Variants in RNH1 observed in about 807,000 individuals in gnomAD.
RNH1 encodes the protein ribonuclease inhibitor.
RNH1 carries 38 observed loss-of-function variants against 46.1 expected under a neutral mutation model. The observed-to-expected ratio is 0.82, with a 90% CI of 0.64 to 1.08. RNH1 has a LOEUF of 1.08. Among genes scored for constraint, RNH1 ranks in the 50% least tolerant of loss-of-function variants. The probability of loss-of-function intolerance (pLI) is 0.00; values close to 1 mark genes in which losing one functional copy is unlikely to be tolerated. For synonymous variants in RNH1, 319 were observed against 279.1 expected (o/e 1.14, Z -1.43); for missense variants, 577 against 590.7 (o/e 0.98, Z 0.24).
chr11:498,820 C>A lies in RNH1; in HGVS notation c.728G>T (p.Gly243Val). 1 of 1,609,488 alleles carries A rather than the reference C, an allele frequency of 6.2e-7. No homozygotes were observed. Among genetic ancestry groups the A allele is most frequent in the Non-Finnish European group, 8.5e-7 (1 of 1,179,586 alleles). Residue 243 changes from glycine to valine, a missense_variant, in exon 7 of 11, where the codon GGC (glycine) becomes GTC (valine). Physicochemically the swap from Gly to Val is moderately radical, Grantham distance 109. Transcript: ENST00000354420. ...CAGCCCTGGGCACAGCTCCGCCATG[C>A]CCACATCACCCAGCTTGTTGCTGCC... ...ALGSNKLGDV[G>V]MAELCPGLLH... is the part of the protein sequence containing the mutation.
Position 500,517 on chromosome 11 carries a change from AG to A in RNH1, c.238del (p.Leu80CysfsTer11), listed in dbSNP as rs1182277272. On this transcript the variant is annotated frameshift_variant, in exon 4 of 11. Coordinates refer to ENST00000354420, the MANE Select transcript of RNH1 (RefSeq NM_203387.3). LOFTEE classifies it high-confidence loss of function. Reference protein sequence around the residue: ...DVGVHCVLQGLQTPSCKIQKL... With the variant: ...DVGVHCVLQGXQTPSCKIQKL... ...CTGGATCTTGCAGGAGGGGGTCTGC[AG>A]GCCCTGGAGCACGCAATGCACGCCG... 2 of 1,609,386 alleles carry A rather than the reference AG, an allele frequency of 1.2e-6. No homozygotes were observed. Among genetic ancestry groups the A allele is most frequent in the African/African-American group, 2.7e-5 (2 of 74,930 alleles).
chr11:505,798 G>C (rs1174773549), intron 1 of RNH1: 1 of 151,934 alleles, frequency 6.6e-6, no homozygotes, highest in Non-Finnish European at 1.5e-5. Flanking sequence ...GCAAACTCCT[G>C]GGCTCAAGAG....
intron 4 of RNH1, 29 bp downstream of exon 4, chr11:500,455 G>A (rs1026656751): frequency 6.3e-7 from 1 of 1,592,756 alleles, no homozygotes; most frequent in Admixed American, 1.7e-5. Context: ...ACTGCACCAG[G>A]CCAGAGGCAG....
rs368410952 is a variant in RNH1 at position 500,629 on chromosome 11, C to G, written c.127G>C (p.Ala43Pro). Residue 43 changes from alanine (A) to proline (P), a missense_variant, in exon 4 of 11, where the codon GCA (alanine) becomes CCA (proline). Ala to Pro is a conservative substitution (Grantham distance 27). Coordinates refer to ENST00000354420, the MANE Select transcript of RNH1 (RefSeq NM_203387.3). ...VRLDDCGLTE[A>P]RCKDISSALR... ...GCAGAGCTGATGTCCTTGCACCGTG[C>G]TTCCGTGAGGCCACAGTCGTCCAGC... is the stretch of plus-strand genomic sequence containing the variant. 1.3e-4 allele frequency: 207 copies of G among 1,607,514 alleles called. No homozygotes were observed. Among genetic ancestry groups the G allele is most frequent in the Non-Finnish European group, 1.7e-4 (202 of 1,179,852 alleles).
In RNH1 at chr11:499,931, G is replaced by A; in HGVS notation, c.341C>T (p.Thr114Ile). The change falls in exon 5 of 11, where the codon ACC becomes ATC. Residue 114 changes from threonine (T) to isoleucine (I), a missense_variant. Physicochemically the swap from Thr to Ile is moderately conservative, Grantham distance 89. Coordinates refer to ENST00000354420, the MANE Select transcript of RNH1 (RefSeq NM_203387.3). ...GTCGCTGAGGTGCAGCTCCTGCAGG[G>A]TGGGCAGGGTGCGTAGTGTGCTGGA... ...VLSSTLRTLP[T>I]LQELHLSDNL... 1 of 1,612,078 alleles carries A rather than the reference G, an allele frequency of 6.2e-7. No homozygotes were observed. Among genetic ancestry groups the A allele is most frequent in the Admixed American group, 1.7e-5 (1 of 59,906 alleles).
In RNH1 at chr11:499,194, C is replaced by G. The variant is rs1847818915; in HGVS notation, c.444-9G>C. The G allele has an allele frequency of 6.2e-7, 1 of 1,610,810 alleles. No individual in the cohort carries two copies. Among genetic ancestry groups the G allele is most frequent in the Middle Eastern group, 1.7e-4 (1 of 6,010 alleles). ...GGCTGCAATACTCCAGCCTGGGGGA[C>G]AGCAGAGCTCAGCACCACACAGGAA... On this transcript the variant is annotated splice_polypyrimidine_tract_variant and intron_variant, in intron 5 of 10. Transcript: ENST00000354420.
intron 9 of RNH1, among the ~76,000 whole-genome samples, chr11:496,180 C>T (rs1355892582): frequency 1.3e-5 from 2 of 152,162 alleles, no homozygotes; most frequent in Non-Finnish European, 2.9e-5. Context: ...CAAGGCCAAG[C>T]ACATGGAACC....
In RNH1 at chr11:498,692, G is replaced by A. The variant is rs1849400986; in HGVS notation, c.786-65C>T. The A allele has an allele frequency of 3.1e-6, 5 of 1,598,956 alleles. No homozygotes were observed. The African/African-American group carries it at 5.3e-5, about 17-fold the overall frequency. ...TCTCATGGCCTGAGATGAGCCCAGG[G>A]GCGGGGGAGAGCTCTGAGGACGGCC... On this transcript the variant is annotated intron_variant, in intron 7 of 10. Coordinates refer to ENST00000354420, the MANE Select transcript of RNH1 (RefSeq NM_203387.3).
chr11:500,263 G>A (rs1001489251), intron 4 of RNH1: 2 of 678,108 alleles, frequency 2.9e-6, no homozygotes, highest in Non-Finnish European at 4.9e-6. Flanking sequence ...GGCGGGCAGG[G>A]CCAGATCTTG....
At position 498,071 on chromosome 11, in the gene RNH1, G is replaced by T. The variant is rs900436782; in HGVS notation, c.1027C>A (p.Leu343Ile). ...FSSVLAQNRF[L>I]LELQISNNRL... ...TTGTTGCTTATCTGTAGCTCCAGGA[G>T]AAACCTGTTCTGGGCCAGCACTGAG... is the stretch of plus-strand genomic sequence containing the variant. The change falls in exon 9 of 11, where the codon CTC (leucine) becomes ATC (isoleucine). Residue 343 changes from leucine to isoleucine, a missense_variant. Physicochemically the swap from Leu to Ile is conservative, Grantham distance 5. Coordinates refer to ENST00000354420, the MANE Select transcript of RNH1 (RefSeq NM_203387.3). 1.2e-6 allele frequency: 2 copies of T among 1,614,044 alleles called. No homozygotes were observed. Among genetic ancestry groups the T allele is most frequent in the African/African-American group, 2.7e-5 (2 of 74,956 alleles).
At chr11:498,364 G>C in intron 8 of RNH1, 93 bp downstream of exon 8, 1 of 1,506,514 alleles carries the variant, frequency 6.6e-7, no homozygotes, top group Non-Finnish European at 9.0e-7. Context: ...GAGCCCAGCA[G>C]CTTCCCTGGA....
rs769844976 is a variant in RNH1 at position 499,085 on chromosome 11, T to C, written c.544A>G (p.Ile182Val). 6.2e-7 allele frequency: 1 copy of C among 1,613,430 alleles called. No homozygotes were observed. The highest frequency in any genetic ancestry group is 2.2e-5 in the East Asian group (1 of 44,862). The change falls in exon 6 of 11, where the codon ATC becomes GTC. Residue 182 changes from isoleucine to valine, a missense_variant. Ile to Val is a conservative substitution (Grantham distance 29, BLOSUM62 3). Coordinates refer to ENST00000354420, the MANE Select transcript of RNH1 (RefSeq NM_203387.3). The stretch of plus-strand genomic sequence containing the variant: ...AGCACACGGACGCCAGCCTCATTGA[T>C]GTCGTTGTTGCTAACCGTGAGCTCC... ...FKELTVSNND[I>V]NEAGVRVLCQ...
intron 2 of RNH1, chr11:503,203 G>A (rs955445058): frequency 6.6e-6 from 1 of 152,284 alleles, no homozygotes; most frequent in African/African-American, 2.4e-5. Flanking sequence ...CTCTCATCCA[G>A]AAGCCCCAGA....
intron 9 of RNH1, among the ~76,000 whole-genome samples, 190 bp downstream of exon 9, chr11:497,781 T>A (rs1030503380): frequency 6.7e-6 from 1 of 149,886 alleles, no homozygotes; most frequent in Non-Finnish European, 1.5e-5. Flanking sequence ...GTGCTCACTC[T>A]CACATGCTCA....
At position 499,059 on chromosome 11, in the gene RNH1, C is replaced by T. The variant is rs17584; in HGVS notation, c.570G>A (p.Leu190=). ...NDINEAGVRV[L]CQGLKDSPCQ... is the part of the protein sequence containing the mutation. The stretch of plus-strand genomic sequence containing the variant: ...AGGGGGAGTCCTTCAGGCCCTGGCA[C>T]AGCACACGGACGCCAGCCTCATTGA... The change falls in exon 6 of 11, where the codon CTG becomes CTA. Residue 190 remains leucine, a synonymous_variant. Transcript: ENST00000354420. 0.19 allele frequency: 303,136 copies of T among 1,613,144 alleles called. 29,382 individuals are homozygous for T. Among genetic ancestry groups the T allele is most frequent in the African/African-American group, 0.31 (23,437 of 74,978 alleles).
chr11:500,429 C>T (rs1849636983), intron 4 of RNH1, 55 bp downstream of exon 4: 2 of 1,564,258 alleles, frequency 1.3e-6, no homozygotes, highest in African/African-American at 1.3e-5. Flanking sequence ...CCCCTGCTGC[C>T]GGGCTACCAA....
At chr11:507,088 C>G (rs1298233662) in intron 1 of RNH1, 25 bp downstream of exon 1, 1 of 152,240 alleles carries the variant, frequency 6.6e-6, no homozygotes, top group East Asian at 1.9e-4. Context: ...TGGCTAGACG[C>G]TGACGCACCG....
intron 9 of RNH1, among the ~76,000 whole-genome samples, chr11:495,418 G>A (rs1388103788): frequency 6.6e-6 from 1 of 152,252 alleles, no homozygotes; most frequent in East Asian, 1.9e-4. Context: ...AGGAGCAGCT[G>A]TGGGGAAACG....
rs761575127 is a variant in RNH1, at chr11:502,118, C to G, written c.45G>C (p.Leu15=). The change falls in exon 3 of 11, where the codon CTG becomes CTC. Residue 15 remains leucine (L), a synonymous_variant. Transcript: ENST00000354420. This position sits in a 1 kb window ranked among gnomAD's most constrained non-coding sequence, Gnocchi z 5.8. The part of the protein sequence containing the change: ...IQSLDIQCEE[L]SDARWAELLP... ...GGAGCTCGGCCCATCTAGCGTCGCTCAGCTCCTCACACTGGATGTCCAGGC... is the reference window on the plus strand; with the variant it reads ...GGAGCTCGGCCCATCTAGCGTCGCTGAGCTCCTCACACTGGATGTCCAGGC... 6.8e-6 allele frequency: 11 copies of G among 1,611,928 alleles called. No homozygotes were observed. In the African/African-American group the frequency reaches 1.1e-4, roughly 16 times the overall value.
Sources: allele counts gnomAD v4.1 joint callset (sites outside exome capture counted in the v4.1 genomes callset), GRCh38; gene constraint gnomAD v4.1.1; non-coding constraint Gnocchi (gnomAD v3.1); transcripts MANE v1.5; gene names NCBI Gene and HGNC (gene_info 2026-07-23, HGNC 2026-07-21).